The following RNF17 variants were observed in gnomAD, a reference collection of about 807,000 sequenced individuals.
RNF17 encodes spermatogenesis associated 23.
In RNF17, 31 loss-of-function variants were observed where a neutral mutation model predicts 200.5. The observed-to-expected ratio is 0.15, with a 90% confidence interval of 0.12 to 0.21. The LOEUF is 0.21. Ranked by LOEUF, RNF17 falls within the 10% of genes least tolerant of loss-of-function variation. RNF17 has a pLI of 1.00. For missense variants in RNF17, 1,628 were observed against 1,905.1 expected (o/e 0.85, Z 2.71); for synonymous variants, 606 against 637.8 (o/e 0.95, Z 0.75).
At chr13:24,836,351 A>G (rs1593386002) in intron 18 of RNF17, among the ~76,000 whole-genome samples, 2 of 152,372 alleles carry the variant, frequency 1.3e-5, no homozygotes, top group Admixed American at 1.3e-4. Flanking sequence ...AAATACAGGA[A>G]GCACAAAGAA....
intron 27 of RNF17, among the ~76,000 whole-genome samples, chr13:24,861,884 G>A (rs1375138513): frequency 6.6e-6 from 1 of 152,140 alleles, no homozygotes; most frequent in African/African-American, 2.4e-5. Flanking sequence ...CCTAAGACTG[G>A]GTAATTTATG....
intron 2 of RNF17, among the ~76,000 whole-genome samples, chr13:24,773,488 G>A (rs1881085389): frequency 6.6e-6 from 1 of 152,162 alleles, no homozygotes; most frequent in South Asian, 2.1e-4. Context: ...CTTCAAGTGG[G>A]AGCTAAACAT....
At position 24,825,628 on chromosome 13, in the gene RNF17, C is replaced by G. The variant is rs1566185226; in HGVS notation, c.2101C>G (p.Leu701Val). 1 of 1,591,788 alleles carries G rather than the reference C, an allele frequency of 6.3e-7. No individual in the cohort carries two copies. Among genetic ancestry groups the G allele is most frequent in the Non-Finnish European group, 8.6e-7 (1 of 1,160,810 alleles). The change falls in exon 16 of 36, where the codon CTG becomes GTG. Residue 701 changes from leucine to valine, a missense_variant. By Grantham distance (32) the Leu-to-Val change is conservative. Coordinates refer to ENST00000255324, the MANE Select transcript of RNF17 (RefSeq NM_031277.3). ...GDFYLQLIEG[L>V]DILFLLKTIE... Reference sequence around the variant, plus strand: ...TCCCTTTATTTACTAGATAGAGGGCCTGGATATTTTATTTCTATTAAAGAC... The same window carrying G: ...TCCCTTTATTTACTAGATAGAGGGCGTGGATATTTTATTTCTATTAAAGAC...
At chr13:24,822,678 C>G (rs1021869178) in intron 15 of RNF17, among the ~76,000 whole-genome samples, 1 of 152,164 alleles carries the variant, frequency 6.6e-6, no homozygotes, top group Middle Eastern at 3.2e-3. Context: ...GCTTGGCCTC[C>G]CAAAGTGCTG....
At chr13:24,823,342 G>A (rs2137945437) in intron 15 of RNF17, among the ~76,000 whole-genome samples, 1 of 152,308 alleles carries the variant, frequency 6.6e-6, no homozygotes, top group Admixed American at 6.5e-5. Context: ...AAAGTGCTGG[G>A]ATTACAGGTG....
chr13:24,843,674 T>G, intron 19 of RNF17, 70 bp from the exon 20 acceptor site: 1 of 891,078 alleles, frequency 1.1e-6, no homozygotes, highest in Admixed American at 2.1e-5. Context: ...ACAGTCAAGA[T>G]ACAGACCTGA....
At position 24,793,118 on chromosome 13, in the gene RNF17, G is replaced by A. The variant is rs572750591; in HGVS notation, c.1012G>A (p.Asp338Asn). The A allele has an allele frequency of 7.4e-6, 12 of 1,612,112 alleles. No homozygotes were observed. The highest frequency in any genetic ancestry group is 5.3e-5 in the African/African-American group (4 of 74,866). Residue 338 changes from aspartate (D) to asparagine (N), a missense_variant, in exon 10 of 36, where the codon GAT becomes AAT. By Grantham distance (23) the Asp-to-Asn change is conservative (BLOSUM62 1). Around this residue, in one of 5 missense-constraint regions of RNF17, gnomAD observed 502 missense variants for 501.7 expected, o/e 1.00. Coordinates refer to ENST00000255324, the MANE Select transcript of RNF17 (RefSeq NM_031277.3). The stretch of plus-strand genomic sequence containing the variant: ...TAACAAAAAGGAACTTTCTTGTTAC[G>A]ATACATACCCACCGCTAGAAAAGAA... ...YNNKKELSCY[D>N]TYPPLEKKKV... is the part of the protein sequence containing the mutation.
intron 6 of RNF17, 57 bp from the exon 7 acceptor site, chr13:24,787,931 C>A (rs1883339228): frequency 7.2e-7 from 1 of 1,381,982 alleles, no homozygotes; most frequent in Non-Finnish European, 9.7e-7. Context: ...TATAGATCGA[C>A]TTTTTCTATA....
intron 6 of RNF17, 30 bp downstream of exon 6, chr13:24,781,974 A>G (rs372243921): frequency 1.3e-5 from 18 of 1,357,124 alleles, no homozygotes; most frequent in Non-Finnish European, 2.1e-6. Flanking sequence ...GGACTCAATG[A>G]AACTGAAGTT....
chr13:24,786,971 T>G (rs1356114597), intron 6 of RNF17, among the ~76,000 whole-genome samples: 1 of 152,184 alleles, frequency 6.6e-6, no homozygotes, highest in East Asian at 1.9e-4. Context: ...TGATAGTGAC[T>G]CACAAGTACC....
At chr13:24,811,207 A>G (rs1886561812) in intron 15 of RNF17, among the ~76,000 whole-genome samples, 1 of 151,102 alleles carries the variant, frequency 6.6e-6, no homozygotes, top group Admixed American at 6.6e-5. Context: ...AGATTGGGGA[A>G]GTTCTCCTGG....
chr13:24,751,596 T>C, the RNF17 span: 3 of 152,218 alleles, frequency 2.0e-5, no homozygotes, highest in African/African-American at 4.8e-5. Flanking sequence ...GTCTCAGGGA[T>C]ATACTGCTTG....
intron 12 of RNF17, 90 bp downstream of exon 12, chr13:24,799,674 G>C (rs1487790292): frequency 1.3e-6 from 1 of 775,172 alleles, no homozygotes. Flanking sequence ...TAGAGGTAGA[G>C]AGGAGTAATT....
At chr13:24,792,890 T>A (rs909245711) in intron 9 of RNF17, 152 bp from the exon 10 acceptor site, 7 of 556,752 alleles carry the variant, frequency 1.3e-5, no homozygotes, top group Non-Finnish European at 1.9e-5. Context: ...TGGAGTAGAA[T>A]GGATAAATAA....
At chr13:24,792,712 T>C (rs530855225) in intron 9 of RNF17, among the ~76,000 whole-genome samples, 1 of 152,346 alleles carries the variant, frequency 6.6e-6, no homozygotes, top group South Asian at 2.1e-4. Context: ...TTGATCGTTA[T>C]TTCCACAGTG....
downstream of RNF17, among the ~76,000 whole-genome samples, chr13:24,881,134 A>G (rs1271527921): frequency 1.3e-5 from 2 of 151,790 alleles, no homozygotes; most frequent in East Asian, 3.9e-4. Flanking sequence ...TTTGACAGAA[A>G]TGTTCGTTCA....
intron 18 of RNF17, among the ~76,000 whole-genome samples, chr13:24,837,746 C>T (rs982978337): frequency 6.6e-6 from 1 of 151,996 alleles, no homozygotes; most frequent in Non-Finnish European, 1.5e-5. Context: ...AAGACTGAAA[C>T]AGCATAAACT....
intron 4 of RNF17, 44 bp downstream of exon 4, chr13:24,778,450 T>C (rs1307307324): frequency 8.0e-7 from 1 of 1,255,322 alleles, no homozygotes. Context: ...GGCAAACGTT[T>C]GACTTTGTCT....
chr13:24,764,005 A>G, upstream of RNF17: 2 of 451,852 alleles, frequency 4.4e-6, no homozygotes, highest in Non-Finnish European at 7.9e-6. Context: ...AACGGCCACA[A>G]GGCGCCCCTT....
Sources: gnomAD v4.1 joint callset for allele counts (sites outside exome capture counted in the v4.1 genomes callset) on GRCh38, gnomAD v4.1.1 for gene constraint, gnomAD v4.1.1 regional missense constraint, MANE v1.5 for transcripts, NCBI Gene and HGNC (gene_info 2026-07-23, HGNC 2026-07-21) for gene names.